The following SLC36A1 variants were observed in gnomAD, a reference collection of about 807,000 sequenced individuals.
SLC36A1 encodes proton-coupled amino acid transporter 1.
Under a neutral mutation model 47.5 loss-of-function variants are expected in SLC36A1, and 30 were observed. The ratio of observed to expected loss-of-function variants is 0.63; its 90% confidence interval spans 0.47 to 0.86. The LOEUF (loss-of-function observed/expected upper bound fraction) is 0.86, where lower values mean the gene tolerates loss of function less well. Ranked by LOEUF, SLC36A1 falls within the 40% of genes least tolerant of loss-of-function variation. SLC36A1 has a pLI of 0.00. For missense variants in SLC36A1, 517 were observed against 606.0 expected (o/e 0.85, Z 1.54); for synonymous variants, 255 against 249.7 (o/e 1.02, Z -0.20).
chr5:151,458,779 T>G lies in SLC36A1; in HGVS notation c.-5-9T>G. The G allele has an allele frequency of 6.2e-7, 1 of 1,611,894 alleles. No individual in the cohort carries two copies. ...GCAGGAGGTCTTAATGCTGGCCCTG[T>G]CCCCCCAGCTGCCATGTCCACGCAG... On this transcript the variant is annotated splice_polypyrimidine_tract_variant and intron_variant, in intron 1 of 10. Coordinates refer to ENST00000243389, the MANE Select transcript of SLC36A1 (RefSeq NM_078483.4).
chr5:151,431,307 A>T, the SLC36A1 span: 2 of 152,218 alleles, frequency 1.3e-5, no homozygotes, highest in Non-Finnish European at 2.9e-5. Flanking sequence ...CTGTCCTGGC[A>T]GCAGGAGCTC....
chr5:151,428,718 T>C, the SLC36A1 span, among the ~76,000 whole-genome samples: 1 of 152,132 alleles, frequency 6.6e-6, no homozygotes, highest in African/African-American at 2.4e-5. Context: ...CTGCAACCTC[T>C]GTCTCCTGGG....
chr5:151,359,103 T>C, the SLC36A1 span, among the ~76,000 whole-genome samples: 1 of 151,978 alleles, frequency 6.6e-6, no homozygotes, highest in Non-Finnish European at 1.5e-5. Context: ...TAAGAGATCA[T>C]GTATGGTGAA....
At chr5:151,432,170 C>A (rs1045370031), upstream of SLC36A1, among the ~76,000 whole-genome samples, 1 of 152,104 alleles carries the variant, frequency 6.6e-6, no homozygotes, top group East Asian at 1.9e-4. Context: ...GTACTGCAGT[C>A]CCTGGAGGCG....
the SLC36A1 span, among the ~76,000 whole-genome samples, chr5:151,513,391 CACCATGGACA>C: frequency 1.3e-5 from 2 of 152,186 alleles, no homozygotes; most frequent in Non-Finnish European, 2.9e-5. Context: ...GGTACAGATA[CACCATGGACA>C]ACCATTCAGC....
At chr5:151,438,156 AG>A (rs1485208927) in intron 1 of SLC36A1, among the ~76,000 whole-genome samples, 1 of 152,120 alleles carries the variant, frequency 6.6e-6, no homozygotes, top group Non-Finnish European at 1.5e-5. Flanking sequence ...CGTCTTTGGG[AG>A]CTGTTACTCT....
the SLC36A1 span, among the ~76,000 whole-genome samples, chr5:151,513,506 TA>T: frequency 6.6e-6 from 1 of 152,114 alleles, no homozygotes; most frequent in East Asian, 1.9e-4. Context: ...GGAAATCAAA[TA>T]CCACATGTTC....
chr5:151,357,435 T>TG, the SLC36A1 span, among the ~76,000 whole-genome samples: 1 of 152,254 alleles, frequency 6.6e-6, no homozygotes, highest in Non-Finnish European at 1.5e-5. Flanking sequence ...GGAGATTTTG[T>TG]GGACTTTTAC....
the SLC36A1 span, chr5:151,517,631 C>T: frequency 4.8e-5 from 78 of 1,614,094 alleles, no homozygotes; most frequent in Middle Eastern, 3.3e-4. Context: ...TTCAGGGAGA[C>T]GGACGCTGTT....
the SLC36A1 span, chr5:151,540,538 A>G: frequency 3.2e-6 from 5 of 1,584,616 alleles, no homozygotes; most frequent in Non-Finnish European, 4.3e-6. Flanking sequence ...TGCCTTCACT[A>G]CCCACTCCAC....
At chr5:151,517,364 A>G in the SLC36A1 span, among the ~76,000 whole-genome samples, 5 of 152,290 alleles carry the variant, frequency 3.3e-5, no homozygotes, top group Admixed American at 2.6e-4. Flanking sequence ...GACCTCATCC[A>G]TCTCCATTTC....
chr5:151,469,884 T>G (rs1489553619), intron 7 of SLC36A1, among the ~76,000 whole-genome samples: 3 of 152,118 alleles, frequency 2.0e-5, no homozygotes, highest in African/African-American at 7.2e-5. Context: ...TGCTTAACAG[T>G]GACCCAGTCA....
chr5:151,507,735 C>T, the SLC36A1 span: 5 of 846,972 alleles, frequency 5.9e-6, no homozygotes, highest in South Asian at 1.8e-5. Flanking sequence ...TTTTCACCCC[C>T]CAAAAAAGTA....
chr5:151,475,529 G>T (rs1391802380), intron 8 of SLC36A1, among the ~76,000 whole-genome samples: 1 of 152,354 alleles, frequency 6.6e-6, no homozygotes, highest in South Asian at 2.1e-4. Flanking sequence ...CGTGTGCTCT[G>T]TGTTCATGCA....
intron 7 of SLC36A1, among the ~76,000 whole-genome samples, chr5:151,468,286 TA>T (rs1179924584): frequency 6.0e-5 from 6 of 100,114 alleles, no homozygotes; most frequent in African/African-American, 2.5e-4. Flanking sequence ...TATATATATA[TA>T]TATATATTTT....
the SLC36A1 span, chr5:151,537,938 A>G: frequency 1.9e-6 from 3 of 1,613,958 alleles, no homozygotes; most frequent in South Asian, 1.1e-5. Context: ...CCTTGCCAGT[A>G]TAGAGAAGCT....
the SLC36A1 span, among the ~76,000 whole-genome samples, chr5:151,390,401 T>C: frequency 2.6e-5 from 4 of 152,222 alleles, no homozygotes; most frequent in African/African-American, 9.6e-5. Context: ...GCAGAAGCTC[T>C]TTAGTTTAAT....
the SLC36A1 span, among the ~76,000 whole-genome samples, chr5:151,358,765 A>G: frequency 6.6e-6 from 1 of 151,630 alleles, no homozygotes; most frequent in Admixed American, 6.6e-5. Flanking sequence ...TGAGGTCAGG[A>G]GATCGAGACC....
At chr5:151,349,982 A>G in the SLC36A1 span, among the ~76,000 whole-genome samples, 13 of 152,184 alleles carry the variant, frequency 8.5e-5, no homozygotes, top group Non-Finnish European at 1.6e-4. Context: ...GAACCAAGGC[A>G]GAGAGCTGGG....
Sources: allele counts gnomAD v4.1 joint callset (sites outside exome capture counted in the v4.1 genomes callset), GRCh38; gene constraint gnomAD v4.1.1; transcripts MANE v1.5; gene names NCBI Gene and HGNC (gene_info 2026-07-23, HGNC 2026-07-21).